GALNT9: variants seen among roughly 807,000 people sequenced by gnomAD.
The protein encoded by GALNT9 is GalNAc transferase 9.
Under a neutral mutation model 63.1 loss-of-function variants are expected in GALNT9, and 47 were observed. The ratio of observed to expected loss-of-function variants is 0.75; its 90% CI spans 0.59 to 0.95. The LOEUF (loss-of-function observed/expected upper bound fraction) is 0.95, where lower values mean the gene tolerates loss of function less well. Ranked by LOEUF, GALNT9 falls within the 40% of genes least tolerant of loss-of-function variation. The probability of loss-of-function intolerance (pLI) is 0.00; values close to 1 mark genes in which losing one functional copy is unlikely to be tolerated. For synonymous variants in GALNT9, 396 were observed against 365.7 expected, an observed-to-expected ratio of 1.08 and a Z score of -0.94; for missense variants, 829 against 874.8, an observed-to-expected ratio of 0.95 and a Z score of 0.66.
chr12:132,262,349 T>A, intron 3 of GALNT9, 110 bp downstream of exon 3: 1 of 1,367,738 alleles, frequency 7.3e-7, no homozygotes, highest in Non-Finnish European at 9.7e-7. Flanking sequence ...TGCGGACAGA[T>A]GGGGTGCAGT....
At position 132,295,019 on chromosome 12, in the gene GALNT9, G is replaced by A. The variant is rs139244452; in HGVS notation, c.239-8589C>T. On this transcript the variant is annotated intron_variant, in intron 1 of 10. Transcript: ENST00000328957. ...AACTGGTAAAAGTGTGGAGACGCCC[G>A]GCCTGCGGCTGCAGGGCTCAAGACC... is the stretch of plus-strand genomic sequence containing the variant. Among the ~76,000 whole-genome samples, 176 of 152,346 alleles carry A rather than the reference G, an allele frequency of 1.2e-3. 3 individuals carry two copies. The highest frequency in any genetic ancestry group is 3.8e-3 in the African/African-American group (160 of 41,574).
In GALNT9 at chr12:132,221,350, C is replaced by CA. The variant is rs869246524; in HGVS notation, c.1078-17661dup. Among the ~76,000 whole-genome samples the CA allele has an allele frequency of 3.3e-3, 154 of 46,810 alleles. 17 individuals are homozygous for CA. Among genetic ancestry groups the CA allele is most frequent in the African/African-American group, 0.014 (121 of 8,544 alleles). The allele number at this position is 46,810 out of a possible 152,430, so 30.7% of individuals were successfully genotyped here. ...CCTGGCGACAGAGTGAGATTGTGTC[C>CA]AAAAAAAAAAAAAAAAAAAAAAAAA... On this transcript the variant is annotated intron_variant, in intron 6 of 10. Coordinates refer to ENST00000328957, the MANE Select transcript of GALNT9 (RefSeq NM_001122636.2).
At chr12:132,230,391 C>G (rs1262291710) in intron 6 of GALNT9, among the ~76,000 whole-genome samples, 1 of 152,210 alleles carries the variant, frequency 6.6e-6, no homozygotes, top group East Asian at 1.9e-4. Flanking sequence ...GCAAAAGGAG[C>G]TGGGGTACAA....
At chr12:132,268,145 A>G (rs1471167075) in intron 2 of GALNT9, among the ~76,000 whole-genome samples, 3 of 151,042 alleles carry the variant, frequency 2.0e-5, no homozygotes, top group South Asian at 2.1e-4. Flanking sequence ...GCTCACACAC[A>G]CGCAATCTCA....
intron 6 of GALNT9, among the ~76,000 whole-genome samples, chr12:132,240,193 C>T (rs1357482967): frequency 3.3e-5 from 5 of 152,148 alleles, no homozygotes; most frequent in South Asian, 4.1e-4. Context: ...GGAATCTCCT[C>T]TCTAAATGGC....
chr12:132,300,710 C>T (rs542957301), intron 1 of GALNT9, among the ~76,000 whole-genome samples: 1 of 151,992 alleles, frequency 6.6e-6, no homozygotes, highest in South Asian at 2.1e-4. Flanking sequence ...TAACCCACTG[C>T]CACCACACCT....
chr12:132,306,533 C>T (rs945617948), intron 1 of GALNT9, among the ~76,000 whole-genome samples: 10 of 152,200 alleles, frequency 6.6e-5, no homozygotes, highest in African/African-American at 9.6e-5. Context: ...GAAGTCAGTT[C>T]GGACATAGTG....
At chr12:132,199,304 CACCCGAGGGTGCG>C in intron 8 of GALNT9, 35 bp from the exon 9 acceptor site, 2 of 1,501,874 alleles carry the variant, frequency 1.3e-6, no homozygotes, top group Non-Finnish European at 1.8e-6. Flanking sequence ...AGTCCAGAGT[CACCCGAGGGTGCG>C]GCCCCAGGGA....
Position 132,252,881 on chromosome 12 carries a change from CAA to C in GALNT9, c.959+4806_959+4807del, listed in dbSNP as rs1197193292. Among the ~76,000 whole-genome samples, 6 of 128,516 alleles carry C rather than the reference CAA, an allele frequency of 4.7e-5. No individual in the cohort carries two copies. Among genetic ancestry groups the C allele is most frequent in the Non-Finnish European group, 6.7e-5 (4 of 59,900 alleles). 84.3% of individuals were successfully genotyped at this position (128,516 alleles called of 152,430 possible). ...CTGGGCAACAACAGCGAAACTGCCT[CAA>C]AAAAAAAAAAAGACACGGAGACCAG... On this transcript the variant is annotated intron_variant, in intron 5 of 10. Coordinates refer to ENST00000328957, the MANE Select transcript of GALNT9 (RefSeq NM_001122636.2). The surrounding 1 kb of genome is among the most constrained non-coding windows in gnomAD (Gnocchi z 5.2).
intron 6 of GALNT9, among the ~76,000 whole-genome samples, chr12:132,204,709 G>T (rs1321387840): frequency 6.6e-6 from 1 of 152,050 alleles, no homozygotes; most frequent in Non-Finnish European, 1.5e-5. Context: ...TCCCTGGAGA[G>T]CCCTGAGCCA....
chr12:132,279,571 GGAA>G lies in GALNT9; in HGVS notation c.419+6676_419+6678del, dbSNP rs1285833094. ...GAGGCAGCCCCGGAGTCTGGAGGGT[GGAA>G]GGAGTGAGGGGCATCCCCTGTCCCC... On this transcript the variant is annotated intron_variant, in intron 2 of 10. Coordinates refer to ENST00000328957, the MANE Select transcript of GALNT9 (RefSeq NM_001122636.2). This position sits in a 1 kb window ranked among gnomAD's most constrained non-coding sequence, Gnocchi z 4.1. The G allele has an allele frequency of 1.3e-5, 2 of 152,504 alleles. No individual in the cohort carries two copies. The highest frequency in any genetic ancestry group is 4.8e-5 in the African/African-American group (2 of 41,450). The allele number at this position is 152,504 out of a possible 1,614,324, so 9.4% of individuals were successfully genotyped here.
At chr12:132,240,371 T>A (rs546548384) in intron 6 of GALNT9, 2 of 351,810 alleles carry the variant, frequency 5.7e-6, no homozygotes, top group Admixed American at 7.6e-5. Flanking sequence ...GTACACCCCA[T>A]GCTGGCCAGG....
At chr12:132,304,975 C>A (rs1881523321) in intron 1 of GALNT9, among the ~76,000 whole-genome samples, 1 of 35,868 alleles carries the variant, frequency 2.8e-5, no homozygotes, top group Non-Finnish European at 4.8e-5. Flanking sequence ...CCGGGCACAC[C>A]CTCACCCGGG....
intron 6 of GALNT9, among the ~76,000 whole-genome samples, chr12:132,207,421 G>A (rs769340448): frequency 4.6e-5 from 7 of 152,288 alleles, no homozygotes; most frequent in South Asian, 2.1e-4. Flanking sequence ...CTTCTGTGGC[G>A]CTGGGGCGAT....
chr12:132,231,203 T>C (rs1196825463), intron 6 of GALNT9, among the ~76,000 whole-genome samples: 1 of 33,148 alleles, frequency 3.0e-5, no homozygotes, highest in Non-Finnish European at 4.9e-5. Flanking sequence ...CAGCGTGGAG[T>C]CCCCTACTGC....
At chr12:132,248,434 C>G (rs1347178059) in intron 5 of GALNT9, among the ~76,000 whole-genome samples, 1 of 152,220 alleles carries the variant, frequency 6.6e-6, no homozygotes, top group Non-Finnish European at 1.5e-5. Flanking sequence ...TATTGCACCA[C>G]TACACTCCAG....
chr12:132,258,660 C>T (rs782011050), intron 4 of GALNT9, among the ~76,000 whole-genome samples: 2 of 152,136 alleles, frequency 1.3e-5, no homozygotes, highest in Non-Finnish European at 2.9e-5. Context: ...GCCAGGAGGC[C>T]GGACAGAGCG....
chr12:132,223,027 C>A, intron 6 of GALNT9, among the ~76,000 whole-genome samples: 1 of 55,640 alleles, frequency 1.8e-5, no homozygotes, highest in Admixed American at 1.8e-4. Context: ...CCCTACACAA[C>A]CCGTACCCCA....
At chr12:132,314,070 C>G (rs1215548181) in intron 1 of GALNT9, among the ~76,000 whole-genome samples, 3 of 96,740 alleles carry the variant, frequency 3.1e-5, no homozygotes, top group Admixed American at 1.1e-4. Context: ...TCCATCCACC[C>G]ACCCACCCAT....
Sources: allele counts gnomAD v4.1 joint callset (sites outside exome capture counted in the v4.1 genomes callset), GRCh38; gene constraint gnomAD v4.1.1; non-coding constraint Gnocchi (gnomAD v3.1); transcripts MANE v1.5; gene names NCBI Gene and HGNC (gene_info 2026-07-23, HGNC 2026-07-21).